Variants in CNTN5 observed in about 807,000 individuals in gnomAD.
CNTN5 encodes the protein contactin-5.
A neutral mutation model predicts 129.1 loss-of-function variants in CNTN5; 77 were observed. The observed-to-expected ratio is 0.60, with a 90% confidence interval of 0.50 to 0.72. CNTN5 has a LOEUF of 0.72. Among genes scored for constraint, CNTN5 ranks in the 30% least tolerant of loss-of-function variants. The pLI is 0.00. For missense variants in CNTN5, 1,478 were observed against 1,328.8 expected (o/e 1.11, Z -1.75); for synonymous variants, 509 against 465.6 (o/e 1.09, Z -1.20).
At chr11:99,999,534 C>T (rs904048373) in intron 8 of CNTN5, among the ~76,000 whole-genome samples, 11 of 152,100 alleles carry the variant, frequency 7.2e-5, no homozygotes, top group African/African-American at 9.7e-5. Context: ...TGTGGAGAAA[C>T]AGGAACACTT....
At chr11:99,802,521 CCTT>C (rs1946145981) in intron 3 of CNTN5, among the ~76,000 whole-genome samples, 2 of 152,148 alleles carry the variant, frequency 1.3e-5, no homozygotes, top group African/African-American at 2.4e-5. Flanking sequence ...AGCTGTGAAA[CCTT>C]CTCAGTTCCA....
chr11:99,129,462 G>T (rs964818004), intron 1 of CNTN5, among the ~76,000 whole-genome samples: 1 of 152,170 alleles, frequency 6.6e-6, no homozygotes, highest in African/African-American at 2.4e-5. Context: ...ATGGGACTAT[G>T]TAAAAAGACC....
intron 1 of CNTN5, among the ~76,000 whole-genome samples, chr11:99,065,194 G>A (rs919231952): frequency 6.6e-6 from 1 of 152,016 alleles, no homozygotes; most frequent in African/African-American, 2.4e-5. Context: ...AAATATAATT[G>A]CAAAGTAGGA....
At chr11:99,627,950 G>C (rs1287523526) in intron 3 of CNTN5, among the ~76,000 whole-genome samples, 1 of 149,528 alleles carries the variant, frequency 6.7e-6, no homozygotes, top group African/African-American at 2.5e-5. Flanking sequence ...GATCAGGGAA[G>C]CACATTCAGC....
intron 2 of CNTN5, among the ~76,000 whole-genome samples, chr11:99,544,116 T>C (rs1948208929): frequency 6.6e-6 from 1 of 152,114 alleles, no homozygotes; most frequent in Non-Finnish European, 1.5e-5. Context: ...CACTGGCATC[T>C]GCTTAGTTTC....
rs564449737 is a variant in CNTN5 at position 99,902,807 on chromosome 11, G to C, written c.578-13247G>C. Among the ~76,000 whole-genome samples, 5 of 152,224 alleles carry C rather than the reference G, an allele frequency of 3.3e-5. No homozygotes were observed. The South Asian group carries it at 1.0e-3, about 32-fold the overall frequency. ...AAAGATTATTTTACATACTAGTTGA[G>C]CCTAAATGAAGATCACAAATTAAAA... On this transcript the variant is annotated intron_variant, in intron 6 of 24. Coordinates refer to ENST00000524871, the MANE Select transcript of CNTN5 (RefSeq NM_014361.4).
At chr11:99,901,350 G>A (rs1949352240) in intron 6 of CNTN5, among the ~76,000 whole-genome samples, 1 of 152,012 alleles carries the variant, frequency 6.6e-6, no homozygotes, top group Non-Finnish European at 1.5e-5. Flanking sequence ...GAGTGCAGCG[G>A]CACGATCTTG....
intron 13 of CNTN5, among the ~76,000 whole-genome samples, chr11:100,089,381 G>C (rs1170711721): frequency 1.3e-5 from 2 of 152,064 alleles, no homozygotes; most frequent in Non-Finnish European, 2.9e-5. Flanking sequence ...CAGTTAGAAT[G>C]GTTATTATTA....
chr11:100,257,472 C>T (rs1158648876), intron 17 of CNTN5, among the ~76,000 whole-genome samples: 2 of 152,182 alleles, frequency 1.3e-5, no homozygotes, highest in African/African-American at 4.8e-5. Flanking sequence ...GGGTCCCTGA[C>T]CCCCATGCCT....
chr11:100,322,327 A>G (rs954101773), intron 21 of CNTN5, among the ~76,000 whole-genome samples: 23 of 151,234 alleles, frequency 1.5e-4, no homozygotes, highest in Admixed American at 4.6e-4. Flanking sequence ...GGTTCACGCC[A>G]TTTTCCTGCC....
intron 2 of CNTN5, among the ~76,000 whole-genome samples, chr11:99,519,047 G>T (rs767791337): frequency 1.3e-4 from 20 of 151,850 alleles, no homozygotes; most frequent in Non-Finnish European, 2.1e-4. Context: ...CATTTCTCCT[G>T]GAATAAAGAC....
rs532460126 is a variant in CNTN5, at chr11:100,200,707, C to A, written c.1884+7044C>A. ...GAGGGGATAAGAGTACCGTAATTCC[C>A]AGAGCCAGCTAGGATATTTTAGGTT... On this transcript the variant is annotated intron_variant, in intron 15 of 24. Coordinates refer to ENST00000524871, the MANE Select transcript of CNTN5 (RefSeq NM_014361.4). 1.3e-4 allele frequency among the ~76,000 whole-genome samples: 20 copies of A among 151,856 alleles called. 1 individual carries two copies. The highest frequency in any genetic ancestry group is 2.5e-4 in the Non-Finnish European group (17 of 67,878).
At chr11:99,772,361 G>C (rs909677641) in intron 3 of CNTN5, among the ~76,000 whole-genome samples, 3 of 151,946 alleles carry the variant, frequency 2.0e-5, no homozygotes, top group African/African-American at 7.2e-5. Flanking sequence ...CATTTTTCTT[G>C]TTTTATTTTC....
chr11:100,253,959 ACTCCTTTTTTTT>A, intron 16 of CNTN5, among the ~76,000 whole-genome samples: 1 of 151,066 alleles, frequency 6.6e-6, no homozygotes, highest in African/African-American at 2.4e-5. Flanking sequence ...AGTCTCCTTG[ACTCCTTTTTTTT>A]ATTCTAGTCT....
chr11:99,692,847 CA>C (rs944148986), intron 3 of CNTN5, among the ~76,000 whole-genome samples: 1 of 151,780 alleles, frequency 6.6e-6, no homozygotes, highest in Non-Finnish European at 1.5e-5. Flanking sequence ...ATTTTTATTC[CA>C]AAAAATTTAT....
chr11:99,681,901 T>G (rs1953571555), intron 3 of CNTN5, among the ~76,000 whole-genome samples: 1 of 151,934 alleles, frequency 6.6e-6, no homozygotes, highest in South Asian at 2.1e-4. Flanking sequence ...GGAAAAGAGA[T>G]TAAATTATAA....
chr11:99,890,085 A>G (rs1949018108), intron 6 of CNTN5, among the ~76,000 whole-genome samples: 1 of 152,170 alleles, frequency 6.6e-6, no homozygotes, highest in Non-Finnish European at 1.5e-5. Flanking sequence ...CATGGACAGG[A>G]AATCAGAAAC....
chr11:99,697,169 TCTC>T (rs1355006048), intron 3 of CNTN5, among the ~76,000 whole-genome samples: 2 of 151,992 alleles, frequency 1.3e-5, no homozygotes, highest in African/African-American at 4.8e-5. Context: ...GAAGGGAAAA[TCTC>T]CTATGCAGAA....
intron 9 of CNTN5, among the ~76,000 whole-genome samples, chr11:100,028,534 T>C (rs991108322): frequency 6.6e-6 from 1 of 152,218 alleles, no homozygotes; most frequent in Non-Finnish European, 1.5e-5. Context: ...TTGTTTACTT[T>C]ATGAAGCATT....
Sources: allele counts gnomAD v4.1 joint callset (sites outside exome capture counted in the v4.1 genomes callset), GRCh38; gene constraint gnomAD v4.1.1; transcripts MANE v1.5; gene names NCBI Gene and HGNC (gene_info 2026-07-23, HGNC 2026-07-21).